Variants in AGBL4 observed in about 807,000 individuals in gnomAD.
AGBL4 encodes AGBL carboxypeptidase 4.
AGBL4 carries 58 observed loss-of-function variants against 66.4 expected under a neutral mutation model. The ratio of observed to expected loss-of-function variants is 0.87; its 90% CI spans 0.71 to 1.09. The LOEUF (loss-of-function observed/expected upper bound fraction) is 1.09. AGBL4 is among the 50% of genes least tolerant of loss of function. AGBL4 has a pLI of 0.00. For synonymous variants in AGBL4, 234 were observed against 222.9 expected, an observed-to-expected ratio of 1.05 and a Z score of -0.44; for missense variants, 579 against 631.0, an observed-to-expected ratio of 0.92 and a Z score of 0.88.
chr1:48,640,876 C>T lies in AGBL4; in HGVS notation c.840-6272G>A, dbSNP rs1645743681. 2.0e-5 allele frequency among the ~76,000 whole-genome samples: 3 copies of T among 152,300 alleles called. No homozygotes were observed. In the South Asian group the frequency reaches 6.2e-4, roughly 32 times the overall value. The stretch of plus-strand genomic sequence containing the variant: ...GCCCCATCTCATGAAGGACATCATG[C>T]CTTATCGCTATTCGCAATAATGGCA... On this transcript the variant is annotated intron_variant, in intron 8 of 13. Coordinates refer to ENST00000371839, the MANE Select transcript of AGBL4 (RefSeq NM_032785.4).
At chr1:48,640,512 C>T (rs1241886943) in intron 8 of AGBL4, among the ~76,000 whole-genome samples, 1 of 152,186 alleles carries the variant, frequency 6.6e-6, no homozygotes, top group Non-Finnish European at 1.5e-5. Context: ...AAGTAAGCAC[C>T]TACTAAATGC....
At chr1:48,673,998 C>G (rs1309173052) in intron 6 of AGBL4, among the ~76,000 whole-genome samples, 1 of 152,184 alleles carries the variant, frequency 6.6e-6, no homozygotes, top group African/African-American at 2.4e-5. Flanking sequence ...CCCAGTCCTG[C>G]AGCGGCTTCC....
chr1:48,599,163 C>T (rs1645039879), intron 9 of AGBL4, among the ~76,000 whole-genome samples: 1 of 152,168 alleles, frequency 6.6e-6, no homozygotes. Context: ...CCTATGATAA[C>T]AATCCCTTCT....
At chr1:48,650,604 T>C (rs1314352502) in intron 8 of AGBL4, among the ~76,000 whole-genome samples, 1 of 152,114 alleles carries the variant, frequency 6.6e-6, no homozygotes, top group Non-Finnish European at 1.5e-5. Flanking sequence ...TTAGAAAAAC[T>C]TTAACAAAGT....
chr1:49,147,228 T>C (rs538404493), intron 4 of AGBL4, among the ~76,000 whole-genome samples: 1 of 152,138 alleles, frequency 6.6e-6, no homozygotes, highest in Non-Finnish European at 1.5e-5. Flanking sequence ...TTGCCTGAAC[T>C]GTCAGACAGT....
intron 6 of AGBL4, among the ~76,000 whole-genome samples, chr1:48,862,962 G>T (rs1273676533): frequency 1.3e-5 from 2 of 152,108 alleles, no homozygotes; most frequent in African/African-American, 2.4e-5. Context: ...AGCTATTAAA[G>T]AATGCACTTT....
At chr1:49,743,577 C>A (rs1271170795) in intron 2 of AGBL4, among the ~76,000 whole-genome samples, 1 of 152,166 alleles carries the variant, frequency 6.6e-6, no homozygotes, top group Non-Finnish European at 1.5e-5. Context: ...GATTATAAAT[C>A]ATGCCGCTAT....
At chr1:48,987,495 T>C (rs1388195029) in intron 5 of AGBL4, among the ~76,000 whole-genome samples, 1 of 152,010 alleles carries the variant, frequency 6.6e-6, no homozygotes, top group East Asian at 1.9e-4. Flanking sequence ...ATGCATCTAA[T>C]ACCAGAGCTT....
chr1:48,527,726 T>C, the AGBL4 span, among the ~76,000 whole-genome samples: 1 of 151,682 alleles, frequency 6.6e-6, no homozygotes, highest in South Asian at 2.1e-4. Context: ...AAGTCTTGAA[T>C]GATGAGAAGG....
At chr1:49,794,360 A>C (rs1354088761) in intron 2 of AGBL4, among the ~76,000 whole-genome samples, 1 of 152,000 alleles carries the variant, frequency 6.6e-6, no homozygotes, top group Non-Finnish European at 1.5e-5. Flanking sequence ...CAAGATAATT[A>C]ATTTTGTATA....
At chr1:48,546,645 T>G (rs1204077346) in intron 11 of AGBL4, among the ~76,000 whole-genome samples, 1 of 152,154 alleles carries the variant, frequency 6.6e-6, no homozygotes, top group Admixed American at 6.6e-5. Context: ...AACTTAAACT[T>G]CTATTCTGTA....
At chr1:49,938,888 A>G (rs941559217) in intron 1 of AGBL4, among the ~76,000 whole-genome samples, 2 of 152,198 alleles carry the variant, frequency 1.3e-5, no homozygotes, top group Admixed American at 6.6e-5. Flanking sequence ...AGGGTATTCA[A>G]TTAGGAAAAG....
chr1:49,077,392 G>C (rs776086950), intron 4 of AGBL4, among the ~76,000 whole-genome samples: 7 of 152,050 alleles, frequency 4.6e-5, no homozygotes, highest in Non-Finnish European at 1.0e-4. Context: ...GTGAGAGTTT[G>C]CATATTATCT....
intron 3 of AGBL4, chr1:49,472,049 TG>T (rs1462855329): frequency 1.3e-5 from 2 of 152,056 alleles, no homozygotes; most frequent in African/African-American, 4.8e-5. Context: ...AATAGTCTTG[TG>T]GAAAATCGTA....
intron 1 of AGBL4, among the ~76,000 whole-genome samples, chr1:49,935,537 T>G (rs1571904461): frequency 6.6e-6 from 1 of 152,156 alleles, no homozygotes; most frequent in Non-Finnish European, 1.5e-5. Flanking sequence ...CCTCCTCAAG[T>G]GGGTCCCTAA....
At chr1:50,003,874 A>G (rs1036210675) in intron 1 of AGBL4, among the ~76,000 whole-genome samples, 3 of 152,204 alleles carry the variant, frequency 2.0e-5, no homozygotes, top group Admixed American at 2.0e-4. Flanking sequence ...GTGGAGCCAG[A>G]CAGCTAAATA....
chr1:48,849,043 C>T (rs1036950009), intron 6 of AGBL4, among the ~76,000 whole-genome samples: 4 of 152,188 alleles, frequency 2.6e-5, no homozygotes. Context: ...GAGGGGAACC[C>T]CAGCTTCTGC....
intron 5 of AGBL4, among the ~76,000 whole-genome samples, chr1:48,910,265 C>T (rs1042653654): frequency 1.3e-5 from 2 of 152,164 alleles, no homozygotes; most frequent in African/African-American, 4.8e-5. Context: ...TCTCACTTGA[C>T]GTGAAATGCG....
chr1:49,622,115 G>C (rs1433122180), intron 3 of AGBL4, among the ~76,000 whole-genome samples: 1 of 152,152 alleles, frequency 6.6e-6, no homozygotes, highest in Non-Finnish European at 1.5e-5. Flanking sequence ...GTTTGATTCT[G>C]TAAGTCATAT....
Sources: gnomAD v4.1 joint callset for allele counts (sites outside exome capture counted in the v4.1 genomes callset) on GRCh38, gnomAD v4.1.1 for gene constraint, MANE v1.5 for transcripts, NCBI Gene and HGNC (gene_info 2026-07-23, HGNC 2026-07-21) for gene names.